Variants in GTPBP10 observed in about 807,000 individuals in gnomAD.
The protein encoded by GTPBP10 is GTP-binding protein 10.
Under a neutral mutation model 44.8 loss-of-function variants are expected in GTPBP10, and 38 were observed. That is an observed-to-expected ratio of 0.85 (90% CI 0.65 to 1.11). The LOEUF (loss-of-function observed/expected upper bound fraction) is 1.11. Among genes scored for constraint, GTPBP10 ranks in the 50% most tolerant of loss-of-function variants. The pLI, the probability that GTPBP10 is intolerant of heterozygous loss-of-function variation, is 0.00. For synonymous variants in GTPBP10, 152 were observed against 150.6 expected, an observed-to-expected ratio of 1.01 and a Z score of -0.07; for missense variants, 462 against 453.7, an observed-to-expected ratio of 1.02 and a Z score of -0.17.
chr7:90,349,244 T>C (rs2115585216), intron 1 of GTPBP10, among the ~76,000 whole-genome samples: 1 of 152,312 alleles, frequency 6.6e-6, no homozygotes, highest in South Asian at 2.1e-4. Flanking sequence ...TCCTGAAGTT[T>C]TCTCTATTAG....
chr7:90,366,394 A>G (rs1454007798), intron 4 of GTPBP10, among the ~76,000 whole-genome samples: 1 of 152,212 alleles, frequency 6.6e-6, no homozygotes, highest in East Asian at 1.9e-4. Context: ...TGAGCTGTGA[A>G]TCCACCTCGT....
At chr7:90,361,514 G>T (rs1424904347) in intron 4 of GTPBP10, among the ~76,000 whole-genome samples, 1 of 152,192 alleles carries the variant, frequency 6.6e-6, no homozygotes, top group African/African-American at 2.4e-5. Flanking sequence ...GCTTTTTGAT[G>T]TGCTGCTGGA....
chr7:90,372,481 A>ATTTTTTTTTTTTTTT (rs1211869618), intron 5 of GTPBP10, among the ~76,000 whole-genome samples: 3 of 67,644 alleles, frequency 4.4e-5, no homozygotes, highest in African/African-American at 8.2e-5. Context: ...TGCTTGGCTA[A>ATTTTTTTTTTTTTTT]CTTTTTTTTT....
Position 90,385,313 on chromosome 7 carries a change from AGAAG to A in GTPBP10, c.*162_*165del. On this transcript the variant is annotated 3_prime_UTR_variant, in exon 10 of 10. Transcript: ENST00000222511. The stretch of plus-strand genomic sequence containing the variant: ...CTGTGGAATCTTAAGTTGAACTCAT[AGAAG>A]GAGAGAATAGAATGGTGGTTATCAA... The A allele has an allele frequency of 1.8e-6, 1 of 557,648 alleles. No homozygotes were observed. The highest frequency in any genetic ancestry group is 1.9e-5 in the African/African-American group (1 of 52,708). 34.5% of individuals were successfully genotyped at this position (557,648 alleles called of 1,614,324 possible). A position where few individuals can be genotyped will look rare whatever the true frequency, so the allele number is the denominator to read the frequency against.
chr7:90,360,736 G>C (rs1443204126), intron 4 of GTPBP10, among the ~76,000 whole-genome samples: 1 of 152,118 alleles, frequency 6.6e-6, no homozygotes, highest in African/African-American at 2.4e-5. Flanking sequence ...GGGCAGTATG[G>C]CCATTTTCAT....
At chr7:90,349,259 C>G (rs1225704360) in intron 1 of GTPBP10, among the ~76,000 whole-genome samples, 1 of 152,050 alleles carries the variant, frequency 6.6e-6, no homozygotes, top group Non-Finnish European at 1.5e-5. Context: ...TATTAGTGTT[C>G]TTTTCCATGG....
At chr7:90,355,040 TC>T (rs779249809) in intron 3 of GTPBP10, 45 bp from the exon 4 acceptor site, 9 of 1,262,494 alleles carry the variant, frequency 7.1e-6, no homozygotes, top group Non-Finnish European at 9.9e-6. Context: ...ATTAGTGATT[TC>T]ACTTATTAAT....
At chr7:90,382,441 A>G (rs1796448638) in intron 8 of GTPBP10, among the ~76,000 whole-genome samples, 1 of 152,126 alleles carries the variant, frequency 6.6e-6, no homozygotes. Flanking sequence ...TATTTTTATT[A>G]CAAACAGGGC....
intron 4 of GTPBP10, among the ~76,000 whole-genome samples, chr7:90,371,691 G>A (rs1796260833): frequency 6.6e-6 from 1 of 152,114 alleles, no homozygotes; most frequent in South Asian, 2.1e-4. Flanking sequence ...GAAGTATATT[G>A]CCAATGTATT....
rs1408127048 is a variant in GTPBP10, at chr7:90,372,202, CA to C, written c.516del (p.Lys172AsnfsTer12). The C allele has an allele frequency of 5.0e-6, 8 of 1,604,696 alleles. No individual in the cohort carries two copies. Among genetic ancestry groups the C allele is most frequent in the Non-Finnish European group, 6.8e-6 (8 of 1,174,698 alleles). On this transcript the variant is annotated frameshift_variant, in exon 5 of 10. Coordinates refer to ENST00000222511, the MANE Select transcript of GTPBP10 (RefSeq NM_033107.4). LOFTEE classifies it high-confidence loss of function. ...KSSLLSCVSH[A>X]KPAIADYAFT... The stretch of plus-strand genomic sequence containing the variant: ...TCTTTGCTAAGTTGTGTTTCTCATG[CA>C]AAACCTGCAATTGCAGATTACGCAT...
intron 4 of GTPBP10, among the ~76,000 whole-genome samples, chr7:90,355,907 A>G (rs183391752): frequency 6.3e-4 from 96 of 152,274 alleles, no homozygotes; most frequent in African/African-American, 2.2e-3. Flanking sequence ...TAAGATACAG[A>G]ATACATAAAG....
At position 90,390,836 on chromosome 7, in the gene GTPBP10, G is replaced by A. The variant is rs779023572; in HGVS notation, c.*5682G>A. On this transcript the variant is annotated 3_prime_UTR_variant, in exon 10 of 10. Transcript: ENST00000222511. ...ATTTCTATATAAAAGGCTTTAAGAA[G>A]ACTATAGTATAATTTTCTTAAGAAA... 2.6e-5 allele frequency: 4 copies of A among 152,076 alleles called. No homozygotes were observed. Among genetic ancestry groups the A allele is most frequent in the Non-Finnish European group, 1.5e-5 (1 of 68,002 alleles). The allele number at this position is 152,076 out of a possible 1,614,324, so 9.4% of individuals were successfully genotyped here.
intron 5 of GTPBP10, among the ~76,000 whole-genome samples, chr7:90,373,986 G>T (rs2115733678): frequency 6.6e-6 from 1 of 152,214 alleles, no homozygotes; most frequent in Middle Eastern, 3.4e-3. Context: ...GACTACAGGT[G>T]CACTGCCATG....
intron 8 of GTPBP10, among the ~76,000 whole-genome samples, chr7:90,381,249 C>T (rs1796430935): frequency 6.6e-6 from 1 of 152,190 alleles, no homozygotes; most frequent in South Asian, 2.1e-4. Flanking sequence ...CATTCCCACT[C>T]AACGGTGTTC....
At chr7:90,357,481 CAG>C (rs754313976) in intron 4 of GTPBP10, among the ~76,000 whole-genome samples, 21 of 152,012 alleles carry the variant, frequency 1.4e-4, no homozygotes, top group Non-Finnish European at 2.6e-4. Context: ...AAATTCATGA[CAG>C]AAAGATTTTT....
At chr7:90,373,678 C>G (rs1345262816) in intron 5 of GTPBP10, among the ~76,000 whole-genome samples, 1 of 152,080 alleles carries the variant, frequency 6.6e-6, no homozygotes, top group Non-Finnish European at 1.5e-5. Context: ...TGAGAAGGAA[C>G]TAGAAAAATT....
chr7:90,346,797 T>C (rs1421951147), intron 1 of GTPBP10, 23 bp downstream of exon 1: 2 of 1,612,920 alleles, frequency 1.2e-6, no homozygotes, highest in Admixed American at 3.3e-5. Flanking sequence ...CCCCTCAGCC[T>C]GGTCCCCTTA....
chr7:90,371,286 C>A, intron 4 of GTPBP10: 1 of 393,674 alleles, frequency 2.5e-6, no homozygotes, highest in Non-Finnish European at 3.5e-6. Flanking sequence ...GAAAGTCTGT[C>A]AATAGGAAAT....
rs781022225 is a variant in GTPBP10, at chr7:90,377,585, A to G, written c.670A>G (p.Ile224Val). The G allele has an allele frequency of 9.3e-6, 15 of 1,610,906 alleles. No homozygotes were observed. The highest frequency in any genetic ancestry group is 1.3e-5 in the African/African-American group (1 of 74,870). The change falls in exon 7 of 10, where the codon ATA (isoleucine) becomes GTA (valine). Residue 224 changes from isoleucine to valine, a missense_variant. Coordinates refer to ENST00000222511, the MANE Select transcript of GTPBP10 (RefSeq NM_033107.4). ...KGMGHKFLKH[I>V]ERTRQLLFVV... ...AATGGGCCACAAATTCCTCAAGCAT[A>G]TAGAAAGAACTAGACAACTACTTTT... is the stretch of plus-strand genomic sequence containing the variant.
Sources: allele counts gnomAD v4.1 joint callset (sites outside exome capture counted in the v4.1 genomes callset), GRCh38; gene constraint gnomAD v4.1.1; transcripts MANE v1.5; gene names NCBI Gene and HGNC (gene_info 2026-07-23, HGNC 2026-07-21).